Variants in IQSEC1 observed in about 807,000 individuals in gnomAD.
IQSEC1 encodes the protein IQ motif and Sec7 domain ArfGEF 1, also known as IQ motif and SEC7 domain-containing protein 1.
IQSEC1 carries 31 observed loss-of-function variants against 91.0 expected under a neutral mutation model. The ratio of observed to expected loss-of-function variants is 0.34; its 90% CI spans 0.26 to 0.46. IQSEC1 has a LOEUF of 0.46. Ranked by LOEUF, IQSEC1 falls within the 20% of genes least tolerant of loss-of-function variation. The pLI, the probability that IQSEC1 is intolerant of heterozygous loss-of-function variation, is 1.00. For missense variants in IQSEC1, 1,388 were observed against 1,575.6 expected, an observed-to-expected ratio of 0.88 and a Z score of 2.02; for synonymous variants, 699 against 662.6, an observed-to-expected ratio of 1.05 and a Z score of -0.84.
chr3:13,070,799 G>A (rs956808145), intron 1 of IQSEC1, among the ~76,000 whole-genome samples: 4 of 152,182 alleles, frequency 2.6e-5, no homozygotes, highest in Admixed American at 1.3e-4. Context: ...GACAGTGAGC[G>A]CTAAGCCCCC....
rs552799035 is a variant in IQSEC1, at chr3:13,204,964, C to A, written c.273-40831G>T. On this transcript the variant is annotated intron_variant, in intron 1 of 15. Transcript: ENST00000648114. Reference sequence around the variant, plus strand: ...TACAGGCGCGCACCACCACGCCGGGCTTTTCGTATTTTTAGTAGAAAAGAG... The same window carrying A: ...TACAGGCGCGCACCACCACGCCGGGATTTTCGTATTTTTAGTAGAAAAGAG... Among the ~76,000 whole-genome samples the A allele has an allele frequency of 1.9e-4, 29 of 152,046 alleles. No homozygotes were observed. The East Asian group carries it at 2.5e-3, about 13-fold the overall frequency.
At position 12,899,885 on chromosome 3, in the gene IQSEC1, G is replaced by GGAGAT. The variant is rs763756652; in HGVS notation, c.*1093_*1097dup. The GGAGAT allele has an allele frequency of 1.9e-4, 185 of 985,268 alleles. No individual in the cohort carries two copies. Among genetic ancestry groups the GGAGAT allele is most frequent in the Non-Finnish European group, 2.1e-4 (171 of 829,892 alleles). The allele number at this position is 985,268 out of a possible 1,614,324, so 61.0% of individuals were successfully genotyped here. On this transcript the variant is annotated 3_prime_UTR_variant, in exon 14 of 14. Coordinates refer to ENST00000613206, the MANE Select transcript of IQSEC1 (RefSeq NM_001134382.3). ...GATGAGAGCTGGTCACTTTCATGTT[G>GGAGAT]GAGATGAACACTTCTGCCGTGTATG...
intron 1 of IQSEC1, among the ~76,000 whole-genome samples, chr3:13,043,874 G>A (rs1201568967): frequency 1.3e-5 from 2 of 152,164 alleles, no homozygotes; most frequent in African/African-American, 2.4e-5. Flanking sequence ...CCATTCAGAC[G>A]AGGAGGTCTT....
chr3:13,124,895 C>T (rs1328245561), intron 2 of IQSEC1, among the ~76,000 whole-genome samples: 1 of 152,200 alleles, frequency 6.6e-6, no homozygotes, highest in Non-Finnish European at 1.5e-5. Flanking sequence ...GGTCCCCGAT[C>T]CATATCCACC....
rs149550366 is a variant in IQSEC1, at chr3:13,270,082, G to A, written c.272+12629C>T. Among the ~76,000 whole-genome samples, 279 of 152,294 alleles carry A rather than the reference G, an allele frequency of 1.8e-3. 3 individuals carry two copies. Among genetic ancestry groups the A allele is most frequent in the African/African-American group, 6.2e-3 (257 of 41,566 alleles). On this transcript the variant is annotated intron_variant, in intron 1 of 15. Coordinates refer to the IQSEC1 transcript ENST00000648114. Reference sequence around the variant, plus strand: ...CCCACCTCCCAGACACCTCCACAAGGTGCCGGATGTGTGAGTGAAGTCGTT... The same window carrying A: ...CCCACCTCCCAGACACCTCCACAAGATGCCGGATGTGTGAGTGAAGTCGTT...
chr3:13,040,664 C>A (rs1704227016), intron 1 of IQSEC1, among the ~76,000 whole-genome samples: 1 of 152,362 alleles, frequency 6.6e-6, no homozygotes, highest in South Asian at 2.1e-4. Flanking sequence ...CCTGGTACCC[C>A]TTCCCAGCTC....
intron 1 of IQSEC1, among the ~76,000 whole-genome samples, chr3:13,227,498 A>G (rs2166856): frequency 0.18 from 27,120 of 151,820 alleles, 3,351 homozygotes; most frequent in East Asian, 0.34. Flanking sequence ...GTGCAGTAAC[A>G]TATGAGGTCA....
chr3:13,187,398 G>T (rs1363786418), intron 1 of IQSEC1, among the ~76,000 whole-genome samples: 1 of 152,214 alleles, frequency 6.6e-6, no homozygotes, highest in Admixed American at 6.5e-5. Flanking sequence ...TAATTCTGAT[G>T]AATGAGTTTG....
At chr3:13,119,792 T>A (rs554791873) in intron 2 of IQSEC1, among the ~76,000 whole-genome samples, 3 of 152,084 alleles carry the variant, frequency 2.0e-5, no homozygotes, top group South Asian at 4.1e-4. Context: ...AGAGTGTGGA[T>A]CTGGAAGCCC....
intron 10 of IQSEC1, among the ~76,000 whole-genome samples, chr3:12,911,022 G>A (rs959800217): frequency 1.3e-5 from 2 of 152,202 alleles, no homozygotes; most frequent in African/African-American, 2.4e-5. Context: ...GCAGGTGTGA[G>A]CCTCCCAAAC....
At chr3:13,247,541 C>T (rs975638966) in intron 1 of IQSEC1, among the ~76,000 whole-genome samples, 1 of 152,196 alleles carries the variant, frequency 6.6e-6, no homozygotes, top group Non-Finnish European at 1.5e-5. Flanking sequence ...TGGGACTTGG[C>T]TCTCTCCTTC....
At chr3:12,985,509 C>T (rs1303606088) in intron 1 of IQSEC1, among the ~76,000 whole-genome samples, 2 of 151,794 alleles carry the variant, frequency 1.3e-5, no homozygotes, top group Non-Finnish European at 1.5e-5. Flanking sequence ...CCCCGCCAAC[C>T]GTTTGCCCTG....
At position 12,936,100 on chromosome 3, in the gene IQSEC1, G is replaced by A; in HGVS notation, c.916C>T (p.Gln306Ter). 6.2e-7 allele frequency: 1 copy of A among 1,610,996 alleles called. No individual in the cohort carries two copies. Among genetic ancestry groups the A allele is most frequent in the Non-Finnish European group, 8.5e-7 (1 of 1,179,794 alleles). Residue 306 changes from glutamine (Q) to a stop codon, truncating the protein, a stop_gained, in exon 3 of 14, where the codon CAG becomes TAG. Transcript: ENST00000613206. LOFTEE classifies it high-confidence loss of function. ...GTGCTGGACGGCCGGTCCCCTGCCT[G>A]CGAGAGGGGCAGAGGGGGCGACAGC... Reference protein sequence around the residue: ...EELSPPLPLSQAGDRPSSTES... With the variant: ...EELSPPLPLS
chr3:12,899,675 A>G lies in IQSEC1; in HGVS notation c.*1308T>C, dbSNP rs1559591013. On this transcript the variant is annotated 3_prime_UTR_variant, in exon 14 of 14. Transcript: ENST00000613206. ...GTTCTGCTAGCACATGGCTACATGGAATTACGGTGATCACTGCTACCACTC... is the reference window on the plus strand; with the variant it reads ...GTTCTGCTAGCACATGGCTACATGGGATTACGGTGATCACTGCTACCACTC... 1 of 985,318 alleles carries G rather than the reference A, an allele frequency of 1.0e-6. No individual in the cohort carries two copies. Among genetic ancestry groups the G allele is most frequent in the Admixed American group, 6.1e-5 (1 of 16,272 alleles). The allele number at this position is 985,318 out of a possible 1,614,324, so 61.0% of individuals were successfully genotyped here.
At chr3:13,106,692 C>T (rs1337353190) in intron 2 of IQSEC1, among the ~76,000 whole-genome samples, 1 of 152,202 alleles carries the variant, frequency 6.6e-6, no homozygotes, top group Non-Finnish European at 1.5e-5. Flanking sequence ...AATGAATGGG[C>T]ACTGCCCTCC....
intron 2 of IQSEC1, among the ~76,000 whole-genome samples, chr3:13,079,170 C>T (rs535499735): frequency 2.0e-5 from 3 of 152,326 alleles, no homozygotes; most frequent in Admixed American, 6.5e-5. Context: ...CAGATGTGCA[C>T]GTGGAGTTGG....
In IQSEC1 at chr3:13,127,456, C is replaced by A. The variant is rs574335608; in HGVS notation, c.302+36648G>T. On this transcript the variant is annotated intron_variant, in intron 2 of 15. Coordinates refer to the IQSEC1 transcript ENST00000648114. ...AAACAAACAAACAAAAAAAAAAAAACCAGAGTTCTCTATTCCATTGATTCA... is the reference window on the plus strand; with the variant it reads ...AAACAAACAAACAAAAAAAAAAAAAACAGAGTTCTCTATTCCATTGATTCA... Among the ~76,000 whole-genome samples, 37 of 151,202 alleles carry A rather than the reference C, an allele frequency of 2.4e-4. No homozygotes were observed. The South Asian group carries it at 3.1e-3, about 13-fold the overall frequency.
chr3:13,073,095 T>G lies in IQSEC1; in HGVS notation c.-81A>C. Reference sequence around the variant, plus strand: ...CGTGTTTCCAAGAGGAGCAGGCGGCTCAGGCAAGAAGTGGAGGGGAATAAA... The same window carrying G: ...CGTGTTTCCAAGAGGAGCAGGCGGCGCAGGCAAGAAGTGGAGGGGAATAAA... On this transcript the variant is annotated 5_prime_UTR_variant, in exon 1 of 14. Coordinates refer to ENST00000613206, the MANE Select transcript of IQSEC1 (RefSeq NM_001134382.3). The G allele has an allele frequency of 6.6e-7, 1 of 1,518,358 alleles. No individual in the cohort carries two copies. Among genetic ancestry groups the G allele is most frequent in the Non-Finnish European group, 8.9e-7 (1 of 1,117,788 alleles). 94.1% of individuals were successfully genotyped at this position (1,518,358 alleles called of 1,614,324 possible).
chr3:13,221,767 T>C (rs568581151), intron 1 of IQSEC1, among the ~76,000 whole-genome samples: 30 of 152,378 alleles, frequency 2.0e-4, no homozygotes, highest in Non-Finnish European at 2.8e-4. Flanking sequence ...GCCTCCGGCA[T>C]TGGCATCTGC....
Sources: gnomAD v4.1 joint callset for allele counts (sites outside exome capture counted in the v4.1 genomes callset) on GRCh38, gnomAD v4.1.1 for gene constraint, MANE v1.5 for transcripts, NCBI Gene and HGNC (gene_info 2026-07-23, HGNC 2026-07-21) for gene names.